INSL6: variants seen among roughly 807,000 people sequenced by gnomAD.
INSL6 encodes insulin-like peptide INSL6.
INSL6 carries 16 observed loss-of-function variants against 9.4 expected under a neutral mutation model. The observed-to-expected ratio is 1.70, with a 90% CI of 1.15 to 2.59. The LOEUF (loss-of-function observed/expected upper bound fraction) is 2.59, where lower values mean the gene tolerates loss of function less well. Among genes scored for constraint, INSL6 ranks in the 30% most tolerant of loss-of-function variants. The pLI is 0.00. For missense variants in INSL6, 391 were observed against 257.3 expected (o/e 1.52, Z -3.56); for synonymous variants, 154 against 96.9 (o/e 1.59, Z -3.46).
chr9:5,073,858 C>A, the INSL6 span: 1 of 955,208 alleles, frequency 1.0e-6, no homozygotes, highest in Non-Finnish European at 1.6e-6. Context: ...AATTCAGTTT[C>A]AGGATCACAG....
At chr9:5,144,986 T>G (rs936240435) in intron 2 of INSL6, among the ~76,000 whole-genome samples, 1 of 152,216 alleles carries the variant, frequency 6.6e-6, no homozygotes, top group Non-Finnish European at 1.5e-5. Context: ...TTGTTATGTG[T>G]GGATTTGATC....
At chr9:5,046,125 C>A in the INSL6 span, among the ~76,000 whole-genome samples, 2 of 152,268 alleles carry the variant, frequency 1.3e-5, no homozygotes, top group South Asian at 2.1e-4. Context: ...TCTCTAACAA[C>A]CAGTGATCAT....
the INSL6 span, among the ~76,000 whole-genome samples, chr9:5,057,580 CTTTTTT>C: frequency 8.6e-6 from 1 of 116,794 alleles, no homozygotes; most frequent in Non-Finnish European, 1.7e-5. Context: ...ATTCTACTTT[CTTTTTT>C]TTTTTTTTTT....
chr9:5,070,200 A>C, the INSL6 span: 2 of 474,298 alleles, frequency 4.2e-6, no homozygotes, highest in Non-Finnish European at 7.2e-6. Flanking sequence ...AAATATGCCA[A>C]CCTTGTGTTA....
At chr9:5,138,831 C>T (rs1824434641) in intron 2 of INSL6, among the ~76,000 whole-genome samples, 1 of 151,944 alleles carries the variant, frequency 6.6e-6, no homozygotes, top group African/African-American at 2.4e-5. Flanking sequence ...TTCCTAGATG[C>T]AAAAAGTGCC....
chr9:5,181,380 G>C (rs576195883), intron 1 of INSL6, among the ~76,000 whole-genome samples: 3 of 152,058 alleles, frequency 2.0e-5, no homozygotes, highest in South Asian at 2.1e-4. Flanking sequence ...TATCAGTAAT[G>C]GTTATCCCAC....
intron 1 of INSL6, among the ~76,000 whole-genome samples, chr9:5,183,952 G>C (rs1042109958): frequency 2.6e-5 from 4 of 152,158 alleles, no homozygotes; most frequent in South Asian, 2.1e-4. Context: ...GCACATTAAA[G>C]CGTGAGAGTC....
the INSL6 span, chr9:5,029,722 T>A: frequency 1.4e-6 from 2 of 1,404,994 alleles, no homozygotes; most frequent in Non-Finnish European, 1.9e-6. Context: ...AAATTATAGG[T>A]GCTATGTAAA....
At chr9:5,154,545 A>C (rs1009533296) in intron 2 of INSL6, among the ~76,000 whole-genome samples, 41 of 152,316 alleles carry the variant, frequency 2.7e-4, no homozygotes, top group Admixed American at 1.8e-3. Flanking sequence ...CAACCTATAG[A>C]ATGGGAGAAA....
At chr9:4,994,463 T>G in the INSL6 span, among the ~76,000 whole-genome samples, 2 of 152,206 alleles carry the variant, frequency 1.3e-5, no homozygotes, top group East Asian at 3.8e-4. Flanking sequence ...AGTTCCCAGG[T>G]GATCTGATAA....
the INSL6 span, chr9:5,021,947 T>C: frequency 3.4e-6 from 5 of 1,478,064 alleles, no homozygotes; most frequent in Admixed American, 6.8e-5. Context: ...TGTAACTTTA[T>C]TGTTTTCTCT....
chr9:5,101,061 T>G, the INSL6 span: 1 of 152,160 alleles, frequency 6.6e-6, no homozygotes, highest in Non-Finnish European at 1.5e-5. Context: ...AGAGGGCAAG[T>G]TGAAGCAGGG....
At chr9:4,993,560 C>A in the INSL6 span, among the ~76,000 whole-genome samples, 2 of 152,204 alleles carry the variant, frequency 1.3e-5, no homozygotes, top group African/African-American at 4.8e-5. Flanking sequence ...ATGTAGGTGA[C>A]AGTTTTGCTA....
chr9:5,087,767 T>C, the INSL6 span, among the ~76,000 whole-genome samples: 1 of 151,180 alleles, frequency 6.6e-6, no homozygotes. Context: ...TCAAGTCCCT[T>C]TGAAATGTTC....
At chr9:5,108,977 C>T in the INSL6 span, 1 of 152,138 alleles carries the variant, frequency 6.6e-6, no homozygotes, top group African/African-American at 2.4e-5. Flanking sequence ...ACTCCTCCCA[C>T]TGATATAGCC....
At chr9:5,101,843 G>T in the INSL6 span, among the ~76,000 whole-genome samples, 1 of 152,146 alleles carries the variant, frequency 6.6e-6, no homozygotes, top group Non-Finnish European at 1.5e-5. Flanking sequence ...CAAACAGAAA[G>T]GAATAGCATC....
chr9:5,079,193 T>A, the INSL6 span, among the ~76,000 whole-genome samples: 15 of 152,218 alleles, frequency 9.9e-5, no homozygotes, highest in African/African-American at 3.1e-4. Context: ...GTCTTACATC[T>A]GGTATCCTGG....
chr9:5,174,092 G>T (rs1825245388), intron 1 of INSL6, among the ~76,000 whole-genome samples: 1 of 152,008 alleles, frequency 6.6e-6, no homozygotes, highest in Non-Finnish European at 1.5e-5. Context: ...CCTACCCTAG[G>T]ACACTACTCC....
chr9:5,047,587 T>C, the INSL6 span, among the ~76,000 whole-genome samples: 1 of 152,240 alleles, frequency 6.6e-6, no homozygotes, highest in African/African-American at 2.4e-5. Flanking sequence ...CCCTGGCTAA[T>C]GAAGATGTAA....
Sources: allele counts gnomAD v4.1 joint callset (sites outside exome capture counted in the v4.1 genomes callset), GRCh38; gene constraint gnomAD v4.1.1; transcripts MANE v1.5; gene names NCBI Gene and HGNC (gene_info 2026-07-23, HGNC 2026-07-21).